The following CNTN3 variants were observed in gnomAD, a reference collection of about 807,000 sequenced individuals.
CNTN3 encodes the protein contactin-3.
CNTN3 carries 60 observed loss-of-function variants against 119.1 expected under a neutral mutation model. The ratio of observed to expected loss-of-function variants is 0.50; its 90% confidence interval spans 0.41 to 0.62. The LOEUF (loss-of-function observed/expected upper bound fraction) is 0.62. Among genes scored for constraint, CNTN3 ranks in the 20% least tolerant of loss-of-function variants. The probability of loss-of-function intolerance (pLI) is 0.00; values close to 1 mark genes in which losing one functional copy is unlikely to be tolerated. For synonymous variants in CNTN3, 450 were observed against 438.7 expected (o/e 1.03, Z -0.32); for missense variants, 1,101 against 1,242.4 (o/e 0.89, Z 1.71).
rs146966958 is a variant in CNTN3 at position 74,320,532 on chromosome 3, G to A, written c.1668+14203C>T. ...AGGGACTGTTGTGGGGTGGGGGGACGTGGGAGGGATAGCATTAGGAGATAT... is the reference window on the plus strand; with the variant it reads ...AGGGACTGTTGTGGGGTGGGGGGACATGGGAGGGATAGCATTAGGAGATAT... On this transcript the variant is annotated intron_variant, in intron 13 of 22. Transcript: ENST00000263665. 4.6e-3 allele frequency among the ~76,000 whole-genome samples: 697 copies of A among 152,196 alleles called. 5 individuals are homozygous for A. Among genetic ancestry groups the A allele is most frequent in the African/African-American group, 0.016 (651 of 41,538 alleles).
intron 13 of CNTN3, among the ~76,000 whole-genome samples, chr3:74,308,435 T>C (rs1702608375): frequency 6.6e-6 from 1 of 152,186 alleles, no homozygotes; most frequent in East Asian, 1.9e-4. Context: ...AATTGCTCCA[T>C]TACAGGATTT....
chr3:74,389,882 A>T (rs1003527721), intron 5 of CNTN3, among the ~76,000 whole-genome samples: 1 of 152,176 alleles, frequency 6.6e-6, no homozygotes, highest in Admixed American at 6.5e-5. Context: ...TAGATCCCAA[A>T]CCTAATGACT....
chr3:74,406,662 T>G (rs1705330766), intron 5 of CNTN3, among the ~76,000 whole-genome samples: 1 of 152,150 alleles, frequency 6.6e-6, no homozygotes, highest in Admixed American at 6.5e-5. Context: ...GCTTATTTTT[T>G]TCTATGTGTA....
At chr3:74,308,218 C>T (rs530667970) in intron 13 of CNTN3, among the ~76,000 whole-genome samples, 8 of 152,290 alleles carry the variant, frequency 5.3e-5, no homozygotes, top group Non-Finnish European at 7.3e-5. Context: ...TACTAATGTA[C>T]GCTGCTCATC....
chr3:74,563,534 C>G (rs1311484204), intron 1 of CNTN3, among the ~76,000 whole-genome samples: 3 of 152,064 alleles, frequency 2.0e-5, no homozygotes, highest in Non-Finnish European at 4.4e-5. Flanking sequence ...TAAGTTCTTA[C>G]AAATAAGAAC....
intron 1 of CNTN3, among the ~76,000 whole-genome samples, chr3:74,604,938 C>T (rs944923748): frequency 6.6e-6 from 1 of 152,032 alleles, no homozygotes; most frequent in Non-Finnish European, 1.5e-5. Context: ...GTGGTATATA[C>T]ACACAATGGA....
intron 1 of CNTN3, among the ~76,000 whole-genome samples, chr3:74,589,758 C>T (rs1184136548): frequency 6.6e-6 from 1 of 151,246 alleles, no homozygotes; most frequent in Non-Finnish European, 1.5e-5. Context: ...ACATATACAC[C>T]ATGGGATACT....
intron 3 of CNTN3, among the ~76,000 whole-genome samples, chr3:74,490,027 T>C (rs1014663432): frequency 2.6e-5 from 4 of 152,298 alleles, no homozygotes; most frequent in Admixed American, 6.5e-5. Context: ...CTATGTTCGA[T>C]TGAATGCTTT....
chr3:74,586,896 G>C (rs147862746), intron 1 of CNTN3, among the ~76,000 whole-genome samples: 1,665 of 152,002 alleles, frequency 0.011, 21 homozygotes, highest in Non-Finnish European at 0.016. Flanking sequence ...TCTAATTAGG[G>C]AACACCGAGG....
At chr3:74,609,714 T>C (rs1040815146) in intron 1 of CNTN3, among the ~76,000 whole-genome samples, 2 of 152,202 alleles carry the variant, frequency 1.3e-5, no homozygotes, top group Admixed American at 6.5e-5. Context: ...TTTGGTTACA[T>C]ATGGCAAGCT....
intron 11 of CNTN3, among the ~76,000 whole-genome samples, chr3:74,343,774 C>T (rs1167232883): frequency 6.6e-6 from 1 of 152,136 alleles, no homozygotes; most frequent in Admixed American, 6.5e-5. Flanking sequence ...TTCAAAATGC[C>T]CACTGCCGGG....
At position 74,369,974 on chromosome 3, in the gene CNTN3, C is replaced by CGACCACCGAG; in HGVS notation, c.675_676insCTCGGTGGTC (p.Glu226LeufsTer6). The CGACCACCGAG allele has an allele frequency of 6.3e-7, 1 of 1,577,318 alleles. No individual in the cohort carries two copies. The highest frequency in any genetic ancestry group is 1.7e-5 in the Admixed American group (1 of 59,104). Reference sequence around the variant, plus strand: ...GGAAACTGAACTTCTATTTTAGGTTCATATTCACCCATCACACCTATAAAT... The same window carrying CGACCACCGAG: ...GGAAACTGAACTTCTATTTTAGGTTCGACCACCGAGATATTCACCCATCACACCTATAAAT... On this transcript the variant is annotated frameshift_variant, in exon 7 of 23. Coordinates refer to ENST00000263665, the MANE Select transcript of CNTN3 (RefSeq NM_020872.3). LOFTEE classifies it high-confidence loss of function.
intron 5 of CNTN3, among the ~76,000 whole-genome samples, chr3:74,372,578 C>T (rs1368401782): frequency 6.6e-6 from 1 of 151,020 alleles, no homozygotes; most frequent in Admixed American, 6.6e-5. Flanking sequence ...GTAGTGCTTT[C>T]CCAATAGAGT....
At chr3:74,594,631 A>C (rs199882652) in intron 1 of CNTN3, among the ~76,000 whole-genome samples, 14,975 of 151,992 alleles carry the variant, frequency 0.099, 1,407 homozygotes, top group African/African-American at 0.23. Flanking sequence ...TGAACTCATC[A>C]TTTTTTATGG....
At chr3:74,515,372 A>C (rs1474690056) in intron 2 of CNTN3, among the ~76,000 whole-genome samples, 2 of 152,044 alleles carry the variant, frequency 1.3e-5, no homozygotes, top group East Asian at 3.9e-4. Context: ...GGCAACTGAT[A>C]ATCATGAGGA....
chr3:74,277,485 A>C (rs561016402), intron 20 of CNTN3, among the ~76,000 whole-genome samples: 18 of 152,172 alleles, frequency 1.2e-4, no homozygotes, highest in African/African-American at 3.9e-4. Flanking sequence ...ATAAATGTGA[A>C]ACACCACATA....
At chr3:74,282,665 T>C (rs963204344) in intron 20 of CNTN3, among the ~76,000 whole-genome samples, 1 of 152,116 alleles carries the variant, frequency 6.6e-6, no homozygotes, top group Non-Finnish European at 1.5e-5. Context: ...TTCATAGTGA[T>C]AATCACAAGA....
intron 13 of CNTN3, among the ~76,000 whole-genome samples, chr3:74,308,989 T>G (rs9827880): frequency 0.034 from 5,238 of 152,254 alleles, 295 homozygotes; most frequent in African/African-American, 0.12. Context: ...CTGGACACTG[T>G]CAAAGTCCCT....
intron 20 of CNTN3, among the ~76,000 whole-genome samples, chr3:74,279,745 TACTC>T (rs1701960765): frequency 1.3e-5 from 2 of 152,058 alleles, no homozygotes; most frequent in African/African-American, 4.8e-5. Flanking sequence ...CTAAAAAACT[TACTC>T]ATATAACCAA....
Sources: allele counts gnomAD v4.1 joint callset (sites outside exome capture counted in the v4.1 genomes callset), GRCh38; gene constraint gnomAD v4.1.1; transcripts MANE v1.5; gene names NCBI Gene and HGNC (gene_info 2026-07-23, HGNC 2026-07-21).